The following ALOX5 variants were observed in gnomAD, a reference collection of about 807,000 sequenced individuals.
ALOX5 encodes the protein polyunsaturated fatty acid 5-lipoxygenase.
In ALOX5, 64 loss-of-function variants were observed where a neutral mutation model predicts 87.9. That is an observed-to-expected ratio of 0.73 (90% confidence interval 0.60 to 0.90). The LOEUF (loss-of-function observed/expected upper bound fraction) is 0.90, where lower values mean the gene tolerates loss of function less well. Among genes scored for constraint, ALOX5 ranks in the 40% least tolerant of loss-of-function variants. The probability of loss-of-function intolerance (pLI) is 0.00; values close to 1 mark genes in which losing one functional copy is unlikely to be tolerated. For synonymous variants in ALOX5, 388 were observed against 355.1 expected, an observed-to-expected ratio of 1.09 and a Z score of -1.04; for missense variants, 822 against 907.5, an observed-to-expected ratio of 0.91 and a Z score of 1.21.
At position 45,444,172 on chromosome 10, in the gene ALOX5, G is replaced by A. The variant is rs1421604807; in HGVS notation, c.1731G>A (p.Pro577=). 7 of 1,556,610 alleles carry A rather than the reference G, an allele frequency of 4.5e-6. No individual in the cohort carries two copies. The highest frequency in any genetic ancestry group is 2.4e-5 in the East Asian group (1 of 41,484). The change falls in exon 13 of 14, where the codon CCG becomes CCA. Residue 577 remains proline, a synonymous_variant. Transcript: ENST00000374391. ...CCCCAACCATGCGAGCCCCGCCACC[G>A]ACTGCCAAGGGCGTGGTGACCATTG... ...NAPPTMRAPP[P]TAKGVVTIEQ...
intron 7 of ALOX5, among the ~76,000 whole-genome samples, chr10:45,432,837 T>A (rs1032331435): frequency 5.3e-5 from 8 of 152,214 alleles, no homozygotes; most frequent in African/African-American, 1.7e-4. Context: ...TTTTAAAACT[T>A]GAGTGATAAA....
At position 45,443,030 on chromosome 10, in the gene ALOX5, C is replaced by T; in HGVS notation, c.1273-8C>T. On this transcript the variant is annotated splice_polypyrimidine_tract_variant and splice_region_variant and intron_variant, in intron 9 of 13. Transcript: ENST00000374391. ...CACCCGCTCAGGGCACTCTACCTCC[C>T]ACTCCAGGCCAACGCCACAGGGGGC... 1 of 1,609,366 alleles carries T rather than the reference C, an allele frequency of 6.2e-7. No homozygotes were observed. Among genetic ancestry groups the T allele is most frequent in the Non-Finnish European group, 8.5e-7 (1 of 1,177,646 alleles).
intron 3 of ALOX5, among the ~76,000 whole-genome samples, chr10:45,411,509 C>T (rs993926239): frequency 2.0e-5 from 3 of 152,202 alleles, no homozygotes; most frequent in Admixed American, 1.3e-4. Context: ...CCCAATGCCA[C>T]GGGATACGTT....
rs1489619790 is a variant in ALOX5 at position 45,443,751 on chromosome 10, C to T, written c.1597C>T (p.Arg533Trp). ...AGGCTTCCCCAAGTCGGTCAAGAGC[C>T]GGGAGCAGCTGTCGGAGTACCTGAC... ...SSGFPKSVKS[R>W]EQLSEYLTVV... The change falls in exon 12 of 14, where the codon CGG becomes TGG. Residue 533 changes from arginine (R) to tryptophan (W), a missense_variant. Transcript: ENST00000374391. The T allele has an allele frequency of 5.0e-6, 8 of 1,612,338 alleles. No homozygotes were observed. Among genetic ancestry groups the T allele is most frequent in the Non-Finnish European group, 5.9e-6 (7 of 1,179,394 alleles).
chr10:45,412,278 A>G lies in ALOX5; in HGVS notation c.519A>G (p.Glu173=), dbSNP rs1036645395. The G allele has an allele frequency of 1.2e-6, 2 of 1,614,162 alleles. No homozygotes were observed. Among genetic ancestry groups the G allele is most frequent in the Non-Finnish European group, 1.7e-6 (2 of 1,180,032 alleles). ...CCCGTGATATCCAGTTTGATAGTGA[A>G]AAAGGAGTGGACTTTGTTCTGAATT... is the stretch of plus-strand genomic sequence containing the variant. ...DLPRDIQFDS[E]KGVDFVLNYS... Residue 173 remains glutamate, a synonymous_variant, in exon 4 of 14, where the codon GAA becomes GAG. Coordinates refer to ENST00000374391, the MANE Select transcript of ALOX5 (RefSeq NM_000698.5).
intron 2 of ALOX5, among the ~76,000 whole-genome samples, chr10:45,388,140 C>T (rs1840067808): frequency 6.6e-6 from 1 of 152,242 alleles, no homozygotes; most frequent in Non-Finnish European, 1.5e-5. Context: ...GAGATTATAT[C>T]CCATGTCTGG....
At chr10:45,395,681 C>T (rs923350284) in intron 2 of ALOX5, among the ~76,000 whole-genome samples, 174 bp from the exon 3 acceptor site, 8 of 152,088 alleles carry the variant, frequency 5.3e-5, no homozygotes, top group Admixed American at 4.6e-4. Context: ...TACACAACTT[C>T]CCTAAGCCTC....
rs1003134295 is a variant in ALOX5 at position 45,374,243 on chromosome 10, G to C, written c.-37G>C. On this transcript the variant is annotated 5_prime_UTR_variant, in exon 1 of 14. Coordinates refer to ENST00000374391, the MANE Select transcript of ALOX5 (RefSeq NM_000698.5). The stretch of plus-strand genomic sequence containing the variant: ...ATGCGGACACCTGGACCGCCGCGCC[G>C]AGGCTCCCGGCGCTCGCTGCTCCCG... 1.9e-5 allele frequency: 28 copies of C among 1,448,428 alleles called. No individual in the cohort carries two copies. Among genetic ancestry groups the C allele is most frequent in the Admixed American group, 5.4e-5 (2 of 36,794 alleles). 89.7% of individuals were successfully genotyped at this position (1,448,428 alleles called of 1,614,324 possible).
At chr10:45,392,045 G>GCCC (rs1840296251) in intron 2 of ALOX5, among the ~76,000 whole-genome samples, 1 of 151,218 alleles carries the variant, frequency 6.6e-6, no homozygotes, top group South Asian at 2.1e-4. Context: ...GAGGGGTTCA[G>GCCC]CCCCCCGCCC....
chr10:45,431,185 G>T (rs187772062), intron 7 of ALOX5, among the ~76,000 whole-genome samples: 87 of 152,142 alleles, frequency 5.7e-4, no homozygotes, highest in Admixed American at 1.3e-3. Flanking sequence ...TTAATAGGAG[G>T]AACCTTACTT....
At chr10:45,401,054 T>C (rs1840682574) in intron 3 of ALOX5, among the ~76,000 whole-genome samples, 1 of 152,224 alleles carries the variant, frequency 6.6e-6, no homozygotes, top group South Asian at 2.1e-4. Flanking sequence ...CTACAAGTGT[T>C]TGATGGATCA....
intron 3 of ALOX5, among the ~76,000 whole-genome samples, chr10:45,411,851 G>A (rs1841075046): frequency 6.6e-6 from 1 of 152,192 alleles, no homozygotes; most frequent in African/African-American, 2.4e-5. Context: ...CCAGTGACTG[G>A]CAAGGCAGGC....
In ALOX5 at chr10:45,441,423, T is replaced by C; in HGVS notation, c.1265T>C (p.Phe422Ser). The change falls in exon 9 of 14, where the codon TTT becomes TCT. Residue 422 changes from phenylalanine to serine, a missense_variant. Transcript: ENST00000374391. ...CAGCTCATCTGCGAGTGTGGCCTCTTTGACAAGGTGGGTGCCCTCCTACCC... is the reference window on the plus strand; with the variant it reads ...CAGCTCATCTGCGAGTGTGGCCTCTCTGACAAGGTGGGTGCCCTCCTACCC... ...REQLICECGLFDKANATGGGG... is the reference protein window; with the variant it reads ...REQLICECGLSDKANATGGGG... 6.2e-7 allele frequency: 1 copy of C among 1,613,334 alleles called. No homozygotes were observed. Among genetic ancestry groups the C allele is most frequent in the Non-Finnish European group, 8.5e-7 (1 of 1,179,402 alleles).
chr10:45,401,228 A>T (rs1840688295), intron 3 of ALOX5, among the ~76,000 whole-genome samples: 1 of 152,170 alleles, frequency 6.6e-6, no homozygotes, highest in African/African-American at 2.4e-5. Context: ...GAATCATTCT[A>T]CATGGACAGT....
intron 3 of ALOX5, among the ~76,000 whole-genome samples, chr10:45,403,645 A>C (rs987483982): frequency 2.6e-5 from 4 of 152,234 alleles, no homozygotes; most frequent in African/African-American, 9.6e-5. Flanking sequence ...AAAAATCAAA[A>C]ATAAAACTTA....
intron 3 of ALOX5, among the ~76,000 whole-genome samples, chr10:45,405,438 A>G (rs546052480): frequency 6.6e-6 from 1 of 152,280 alleles, no homozygotes; most frequent in South Asian, 2.1e-4. Context: ...TTGCCTATTT[A>G]TAAGCTTTTT....
chr10:45,433,255 T>G (rs1195933619), intron 7 of ALOX5, among the ~76,000 whole-genome samples: 1 of 152,090 alleles, frequency 6.6e-6, no homozygotes, highest in Non-Finnish European at 1.5e-5. Context: ...AGGTCAGAGC[T>G]TCGGCCAGCA....
chr10:45,392,165 TGAG>T (rs752968558), intron 2 of ALOX5, among the ~76,000 whole-genome samples: 39 of 151,904 alleles, frequency 2.6e-4, no homozygotes, highest in Non-Finnish European at 4.7e-4. Context: ...TACTGGGAAG[TGAG>T]GAGCCCCTCT....
intron 3 of ALOX5, among the ~76,000 whole-genome samples, chr10:45,399,930 C>T (rs889767695): frequency 6.6e-6 from 1 of 152,116 alleles, no homozygotes; most frequent in African/African-American, 2.4e-5. Flanking sequence ...AATTTCAAAT[C>T]AAAACCACAA....
Sources: allele counts gnomAD v4.1 joint callset (sites outside exome capture counted in the v4.1 genomes callset), GRCh38; gene constraint gnomAD v4.1.1; transcripts MANE v1.5; gene names NCBI Gene and HGNC (gene_info 2026-07-23, HGNC 2026-07-21).